Variants in COL28A1 observed in about 807,000 individuals in gnomAD.
COL28A1 encodes the protein collagen alpha-1(XXVIII) chain.
A neutral mutation model predicts 150.2 loss-of-function variants in COL28A1; 161 were observed. That is an observed-to-expected ratio of 1.07 (90% CI 0.94 to 1.22). The LOEUF is 1.22. Among genes scored for constraint, COL28A1 ranks in the 50% most tolerant of loss-of-function variants. COL28A1 has a pLI of 0.00. For synonymous variants in COL28A1, 552 were observed against 469.7 expected (o/e 1.18, Z -2.26); for missense variants, 1,617 against 1,388.3 (o/e 1.16, Z -2.62).
intron 15 of COL28A1, among the ~76,000 whole-genome samples, chr7:7,459,942 T>C (rs1787479129): frequency 6.6e-6 from 1 of 152,152 alleles, no homozygotes; most frequent in Admixed American, 6.5e-5. Flanking sequence ...TCAAACATCC[T>C]CCAATACTGG....
At chr7:7,505,732 A>G (rs1780773429) in intron 11 of COL28A1, among the ~76,000 whole-genome samples, 1 of 152,244 alleles carries the variant, frequency 6.6e-6, no homozygotes, top group South Asian at 2.1e-4. Flanking sequence ...CATAAAATAA[A>G]TAAAAGTCAG....
At chr7:7,540,127 A>C (rs988189224), upstream of COL28A1, among the ~76,000 whole-genome samples, 1 of 152,204 alleles carries the variant, frequency 6.6e-6, no homozygotes, top group African/African-American at 2.4e-5. Context: ...AATATCTGAA[A>C]GTAGATTGAT....
intron 27 of COL28A1, among the ~76,000 whole-genome samples, chr7:7,399,436 ATT>A (rs1783039093): frequency 1.3e-5 from 2 of 152,104 alleles, no homozygotes; most frequent in African/African-American, 4.8e-5. Flanking sequence ...ATTTCTCCTT[ATT>A]AGCCTTTCTA....
intron 31 of COL28A1, among the ~76,000 whole-genome samples, chr7:7,374,034 A>AT (rs1230327194): frequency 0.046 from 3,524 of 75,942 alleles, 79 homozygotes; most frequent in South Asian, 0.072. Context: ...TAAAAAAAAA[A>AT]AAAAATATAT....
intron 3 of COL28A1, among the ~76,000 whole-genome samples, chr7:7,529,362 C>T (rs1472145890): frequency 2.0e-5 from 3 of 151,300 alleles, no homozygotes; most frequent in African/African-American, 7.3e-5. Flanking sequence ...AGTTGGTATA[C>T]CATTCTTTGA....
In COL28A1 at chr7:7,471,763, C is replaced by T. The variant is rs143067824; in HGVS notation, c.1302+2838G>A. Among the ~76,000 whole-genome samples the T allele has an allele frequency of 9.6e-3, 1,459 of 152,196 alleles. 69 individuals carry two copies. Among genetic ancestry groups the T allele is most frequent in the East Asian group, 0.078 (401 of 5,166 alleles). ...CATAAAAATTAGCTGGATGTGGTGG[C>T]GGGCACCTGCAATCCCAGCTACTCA... is the stretch of plus-strand genomic sequence containing the variant. On this transcript the variant is annotated intron_variant, in intron 15 of 34. Transcript: ENST00000399429.
chr7:7,500,187 A>C (rs1170783860), intron 11 of COL28A1, among the ~76,000 whole-genome samples: 2 of 152,288 alleles, frequency 1.3e-5, no homozygotes, highest in East Asian at 3.9e-4. Flanking sequence ...TTCTACTGAA[A>C]TTATTCTTTT....
chr7:7,372,968 C>A (rs776752390), intron 32 of COL28A1, 30 bp downstream of exon 32: 4 of 1,584,454 alleles, frequency 2.5e-6, no homozygotes, highest in Non-Finnish European at 3.4e-6. Context: ...ACATAAATGC[C>A]TTTCCCCTGG....
At chr7:7,406,507 C>T (rs1783499931) in intron 27 of COL28A1, among the ~76,000 whole-genome samples, 1 of 152,010 alleles carries the variant, frequency 6.6e-6, no homozygotes, top group South Asian at 2.1e-4. Flanking sequence ...GGCAGATAAT[C>T]AACAAAGAAA....
chr7:7,367,283 G>C (rs189605153), intron 33 of COL28A1, among the ~76,000 whole-genome samples: 1,755 of 152,294 alleles, frequency 0.012, 23 homozygotes, highest in Non-Finnish European at 0.014. Context: ...AAATTGGCTA[G>C]CGAAACATTT....
At chr7:7,410,790 A>G (rs1436960813) in intron 27 of COL28A1, among the ~76,000 whole-genome samples, 2 of 152,310 alleles carry the variant, frequency 1.3e-5, no homozygotes, top group African/African-American at 4.8e-5. Flanking sequence ...ATGAGTTTAG[A>G]AGATGAAGGA....
intron 9 of COL28A1, among the ~76,000 whole-genome samples, chr7:7,510,063 C>T (rs1173797365): frequency 6.6e-6 from 1 of 152,092 alleles, no homozygotes; most frequent in Non-Finnish European, 1.5e-5. Flanking sequence ...CTCTCCTTGA[C>T]TCCCTTCCAG....
At position 7,435,578 on chromosome 7, in the gene COL28A1, T is replaced by C. The variant is rs77618040; in HGVS notation, c.1860+817A>G. 5.4e-3 allele frequency among the ~76,000 whole-genome samples: 824 copies of C among 152,308 alleles called. 10 individuals are homozygous for C. The highest frequency in any genetic ancestry group is 0.019 in the African/African-American group (792 of 41,566). On this transcript the variant is annotated intron_variant, in intron 23 of 34. Coordinates refer to ENST00000399429, the MANE Select transcript of COL28A1 (RefSeq NM_001037763.3). ...TAAAAACAGGAGAGGCTCAAGATTC[T>C]CCCTTTACCTTTAAAAAGAACCACT... is the stretch of plus-strand genomic sequence containing the variant.
chr7:7,360,408 G>A lies in COL28A1; in HGVS notation c.3187C>T (p.Pro1063Ser), dbSNP rs1277982252. 1.9e-6 allele frequency: 3 copies of A among 1,590,330 alleles called. No individual in the cohort carries two copies. The highest frequency in any genetic ancestry group is 2.3e-5 in the South Asian group (2 of 86,444). ...TACCTACCCTCTGCCCCATCCACAG[G>A]GGTGCTGAGCAGTGGCCTGGGGGTG... ...TTTPRPLLST[P>S]VDGAEDPRCL... is the part of the protein sequence containing the mutation. Residue 1063 changes from proline to serine, a missense_variant, in exon 34 of 35, where the codon CCT (proline) becomes TCT (serine). Physicochemically the swap from Pro to Ser is moderately conservative, Grantham distance 74. Transcript: ENST00000399429.
intron 11 of COL28A1, among the ~76,000 whole-genome samples, chr7:7,500,270 A>G (rs1305038341): frequency 6.6e-6 from 1 of 152,220 alleles, no homozygotes; most frequent in Non-Finnish European, 1.5e-5. Flanking sequence ...ACCTGTCTTC[A>G]GTATGATACT....
intron 15 of COL28A1, 105 bp downstream of exon 15, chr7:7,474,496 C>A: frequency 1.8e-6 from 1 of 550,480 alleles, no homozygotes; most frequent in South Asian, 3.4e-5. Flanking sequence ...AACCAGATAC[C>A]TGTGTGGCAT....
rs759469191 is a variant in COL28A1, at chr7:7,375,487, A to C, written c.2333T>G (p.Ile778Ser). The change falls in exon 31 of 35, where the codon ATT becomes AGT. Residue 778 changes from isoleucine to serine, a missense_variant. Transcript: ENST00000399429. ...ACATATTTCTGTAATAAGTTTGATA[A>C]TTTCTTCTTTCTAGGGGATAAAAAG... ...KGDLGLTKEE[I>S]IKLITEICGC... The C allele has an allele frequency of 1.3e-6, 2 of 1,561,386 alleles. No homozygotes were observed. Among genetic ancestry groups the C allele is most frequent in the African/African-American group, 2.7e-5 (2 of 73,838 alleles).
chr7:7,370,410 G>A (rs1324489920), intron 33 of COL28A1, among the ~76,000 whole-genome samples: 1 of 152,162 alleles, frequency 6.6e-6, no homozygotes, highest in Admixed American at 6.5e-5. Context: ...GCAACTAGGT[G>A]AATTCAGAGT....
chr7:7,360,647 TACTA>T (rs1222270866), intron 33 of COL28A1, 119 bp from the exon 34 acceptor site: 20 of 823,116 alleles, frequency 2.4e-5, no homozygotes, highest in Middle Eastern at 3.6e-4. Context: ...AGCTCTCTGA[TACTA>T]ACTATTTCAA....
Sources: gnomAD v4.1 joint callset for allele counts (sites outside exome capture counted in the v4.1 genomes callset) on GRCh38, gnomAD v4.1.1 for gene constraint, MANE v1.5 for transcripts, NCBI Gene and HGNC (gene_info 2026-07-23, HGNC 2026-07-21) for gene names.